The following VPS13C variants were observed in gnomAD, a reference collection of about 807,000 sequenced individuals.
The protein encoded by VPS13C is intermembrane lipid transfer protein VPS13C.
Under a neutral mutation model 456.8 loss-of-function variants are expected in VPS13C, and 358 were observed. The observed-to-expected ratio is 0.78, with a 90% CI of 0.72 to 0.86. The LOEUF (loss-of-function observed/expected upper bound fraction) is 0.86. Ranked by LOEUF, VPS13C falls within the 40% of genes least tolerant of loss-of-function variation. The pLI is 0.00. For synonymous variants in VPS13C, 1,578 were observed against 1,486.7 expected (o/e 1.06, Z -1.41); for missense variants, 4,818 against 4,385.4 (o/e 1.10, Z -2.79).
At chr15:61,993,901 C>A (rs1254775710) in intron 16 of VPS13C, among the ~76,000 whole-genome samples, 1 of 152,024 alleles carries the variant, frequency 6.6e-6, no homozygotes, top group Non-Finnish European at 1.5e-5. Flanking sequence ...GTGAAGGGTA[C>A]ACAGTACCTC....
At chr15:61,996,122 A>G (rs1257562985) in intron 16 of VPS13C, among the ~76,000 whole-genome samples, 1 of 152,132 alleles carries the variant, frequency 6.6e-6, no homozygotes, top group Admixed American at 6.5e-5. Context: ...CTGTATATGA[A>G]CCTGTCAAAA....
intron 66 of VPS13C, among the ~76,000 whole-genome samples, chr15:61,904,720 G>C (rs1302679099): frequency 6.6e-6 from 1 of 152,060 alleles, no homozygotes; most frequent in Admixed American, 6.6e-5. Context: ...CTAAGATATG[G>C]AACCAACCTA....
chr15:62,023,868 T>C, intron 6 of VPS13C, 23 bp from the exon 7 acceptor site: 1 of 1,598,656 alleles, frequency 6.3e-7, no homozygotes, highest in Non-Finnish European at 8.5e-7. Context: ...AGCATTTTAG[T>C]GAGAAAAGGA....
At chr15:61,861,299 CA>C (rs1274110883) in intron 82 of VPS13C, among the ~76,000 whole-genome samples, 2 of 151,936 alleles carry the variant, frequency 1.3e-5, no homozygotes, top group African/African-American at 4.8e-5. Context: ...CTGGGGTGGC[CA>C]AACTGTGCCC....
At chr15:61,930,339 G>A (rs1054639340) in intron 50 of VPS13C, among the ~76,000 whole-genome samples, 1 of 152,068 alleles carries the variant, frequency 6.6e-6, no homozygotes, top group African/African-American at 2.4e-5. Context: ...GGAGAGCTGT[G>A]GACAGCTACT....
intron 66 of VPS13C, among the ~76,000 whole-genome samples, chr15:61,899,240 A>G (rs1382200245): frequency 4.1e-5 from 4 of 98,164 alleles, no homozygotes; most frequent in Non-Finnish European, 4.1e-5. Flanking sequence ...AGAAGGCAAG[A>G]AATAACTAAA....
At chr15:62,001,365 C>T (rs548409596) in intron 15 of VPS13C, among the ~76,000 whole-genome samples, 2 of 152,272 alleles carry the variant, frequency 1.3e-5, no homozygotes, top group South Asian at 4.1e-4. Context: ...TTGTGATATA[C>T]TTCAGAAAAA....
In VPS13C at chr15:61,933,530, C is replaced by T. The variant is rs115484974; in HGVS notation, c.5868+689G>A. Among the ~76,000 whole-genome samples, 1,053 of 152,064 alleles carry T rather than the reference C, an allele frequency of 6.9e-3. 9 individuals are homozygous for T. The highest frequency in any genetic ancestry group is 0.024 in the African/African-American group (1,004 of 41,504). On this transcript the variant is annotated intron_variant, in intron 49 of 84. Transcript: ENST00000644861. ...GCTCACTGCCCAATTAGGGTATATG[C>T]TCACTGTTGAATCTATAATCAATAC...
chr15:61,955,948 C>A (rs972895732), intron 37 of VPS13C, among the ~76,000 whole-genome samples: 4 of 151,970 alleles, frequency 2.6e-5, no homozygotes, highest in Admixed American at 2.0e-4. Context: ...ACAGAACTAC[C>A]TTTGACCCAG....
intron 28 of VPS13C, among the ~76,000 whole-genome samples, chr15:61,968,200 G>A (rs934589134): frequency 2.0e-5 from 3 of 151,446 alleles, no homozygotes; most frequent in Admixed American, 1.3e-4. Flanking sequence ...ATAAAACATA[G>A]GTCTTTATAC....
rs141353770 is a variant in VPS13C, at chr15:62,006,259, C to T, written c.1290+1049G>A. 7.7e-3 allele frequency among the ~76,000 whole-genome samples: 1,178 copies of T among 152,142 alleles called. 11 individuals are homozygous for T. Among genetic ancestry groups the T allele is most frequent in the Middle Eastern group, 0.017 (5 of 294 alleles). On this transcript the variant is annotated intron_variant, in intron 15 of 84. Coordinates refer to ENST00000644861, the MANE Select transcript of VPS13C (RefSeq NM_020821.3). ...GCTAATGCTATCCCTCCCCTCTCCC[C>T]GCACCCCACAACAGTCCCCGGTGTG...
At chr15:61,888,019 T>G (rs1324823904) in intron 67 of VPS13C, among the ~76,000 whole-genome samples, 1 of 152,142 alleles carries the variant, frequency 6.6e-6, no homozygotes, top group Non-Finnish European at 1.5e-5. Flanking sequence ...AATAACCTAA[T>G]TTTAAAATGG....
At chr15:61,883,203 C>CTT (rs35797570) in intron 68 of VPS13C, among the ~76,000 whole-genome samples, 3,627 of 140,520 alleles carry the variant, frequency 0.026, 69 homozygotes, top group Non-Finnish European at 0.034. Context: ...ATTTTATTAT[C>CTT]TTTTTTTTTT....
intron 72 of VPS13C, 26 bp from the exon 73 acceptor site, chr15:61,880,748 C>T (rs1451167152): frequency 2.4e-5 from 37 of 1,537,612 alleles, no homozygotes; most frequent in Non-Finnish European, 3.1e-5. Context: ...TCAAGAATTT[C>T]TATTTTAATT....
Position 61,972,719 on chromosome 15 carries a change from G to A in VPS13C, c.2663C>T (p.Thr888Ile), listed in dbSNP as rs751779595. The change falls in exon 27 of 85, where the codon ACT becomes ATT. Residue 888 changes from threonine to isoleucine, a missense_variant. Transcript: ENST00000644861. ...TTCTGATCCTTTCATACTTTTACAA[G>A]TCTGTGGTTCTCCATCTTCAGCATC... ...YFDAEDGEPQ[T>I]CKSMKGSELK... The A allele has an allele frequency of 6.2e-7, 1 of 1,612,776 alleles. No individual in the cohort carries two copies. The highest frequency in any genetic ancestry group is 1.1e-5 in the South Asian group (1 of 91,016).
intron 47 of VPS13C, 143 bp downstream of exon 47, chr15:61,940,504 G>A: frequency 1.5e-6 from 1 of 679,952 alleles, no homozygotes; most frequent in African/African-American, 1.8e-5. Context: ...ACATACAACA[G>A]ACAAATGCTC....
rs116202065 is a variant in VPS13C at position 61,869,508 on chromosome 15, G to C, written c.10740C>G (p.Gly3580=). The C allele has an allele frequency of 1.1e-3, 1,768 of 1,614,052 alleles. 24 individuals carry two copies. The African/African-American group carries it at 0.022, about 20-fold the overall frequency. Residue 3580 remains glycine, a synonymous_variant, in exon 80 of 85, where the codon GGC becomes GGG. Coordinates refer to ENST00000644861, the MANE Select transcript of VPS13C (RefSeq NM_020821.3). ...IVDMASSTFQ[G]IQRAAESTEE... Reference sequence around the variant, plus strand: ...AGTATGTACTCAATTACCTCTGAATGCCTTGGAAGGTACTACTGGCCATAT... The same window carrying C: ...AGTATGTACTCAATTACCTCTGAATCCCTTGGAAGGTACTACTGGCCATAT...
chr15:62,007,294 T>C lies in VPS13C; in HGVS notation c.1290+14A>G, dbSNP rs554744430. On this transcript the variant is annotated intron_variant, in intron 15 of 84. Coordinates refer to ENST00000644861, the MANE Select transcript of VPS13C (RefSeq NM_020821.3). ...AGACAAATAATAGCTCTCACTAATA[T>C]ATGCAAGATATACCTGAATTTCTTT... The C allele has an allele frequency of 1.9e-5, 30 of 1,565,334 alleles. No individual in the cohort carries two copies. In the South Asian group the frequency reaches 3.2e-4, roughly 17 times the overall value.
In VPS13C at chr15:61,927,186, A is replaced by G. The variant is rs1042842337; in HGVS notation, c.6421T>C (p.Ser2141Pro). Reference protein sequence around the residue: ...SFQCNLSLSTSKLEQMMEASV... With the variant: ...SFQCNLSLSTPKLEQMMEASV... The stretch of plus-strand genomic sequence containing the variant: ...GCTTCCATCATCTGTTCGAGTTTGG[A>G]TGTTGACAGAGAAAGGTTGCACTGA... Residue 2141 changes from serine (S) to proline (P), a missense_variant, in exon 52 of 85, where the codon TCC (serine) becomes CCC (proline). Ser to Pro is a moderately conservative substitution (Grantham distance 74). Around this residue, in one of 3 missense-constraint regions of VPS13C, gnomAD observed 4,552 missense variants for 4,130.6 expected, o/e 1.10. Transcript: ENST00000644861. 10 of 1,614,010 alleles carry G rather than the reference A, an allele frequency of 6.2e-6. No individual in the cohort carries two copies. The highest frequency in any genetic ancestry group is 8.5e-6 in the Non-Finnish European group (10 of 1,180,018).
Sources: gnomAD v4.1 joint callset for allele counts (sites outside exome capture counted in the v4.1 genomes callset) on GRCh38, gnomAD v4.1.1 for gene constraint, gnomAD v4.1.1 regional missense constraint, MANE v1.5 for transcripts, NCBI Gene and HGNC (gene_info 2026-07-23, HGNC 2026-07-21) for gene names.